The following UBE2W variants were observed in gnomAD, a reference collection of about 807,000 sequenced individuals.
UBE2W encodes the protein ubiquitin conjugating enzyme E2 W, also known as ubiquitin-conjugating enzyme E2 W.
In UBE2W, 18 loss-of-function variants were observed where a neutral mutation model predicts 27.2. That is an observed-to-expected ratio of 0.66 (90% CI 0.46 to 0.98). The LOEUF is 0.98. UBE2W is among the 50% of genes least tolerant of loss of function. The probability of loss-of-function intolerance (pLI) is 0.00; values close to 1 mark genes in which losing one functional copy is unlikely to be tolerated. For synonymous variants in UBE2W, 53 were observed against 57.2 expected, an observed-to-expected ratio of 0.93 and a Z score of 0.33; for missense variants, 90 against 180.2, an observed-to-expected ratio of 0.50 and a Z score of 2.87.
Position 73,825,337 on chromosome 8 carries a change from C to T in UBE2W, c.108-88G>A, listed in dbSNP as rs543199459. The T allele has an allele frequency of 5.8e-6, 5 of 861,484 alleles. No individual in the cohort carries two copies. The African/African-American group carries it at 6.9e-5, about 12-fold the overall frequency. The allele number at this position is 861,484 out of a possible 1,614,324, so 53.4% of individuals were successfully genotyped here. ...GAGGACACCAAGTACTTCCTATACA[C>T]TAAGCACTAGGACAAGAGTTGGTTA... On this transcript the variant is annotated intron_variant, in intron 2 of 5. Transcript: ENST00000602593.
downstream of UBE2W, among the ~76,000 whole-genome samples, chr8:73,785,603 T>C (rs1208122502): frequency 6.6e-6 from 1 of 151,894 alleles, no homozygotes; most frequent in Non-Finnish European, 1.5e-5. Flanking sequence ...ACCCATCCAC[T>C]CTCTTTTAGA....
In UBE2W at chr8:73,858,993, T is replaced by C. The variant is rs1038452735; in HGVS notation, c.15+19815A>G. On this transcript the variant is annotated intron_variant, in intron 1 of 5. Coordinates refer to ENST00000602593, the MANE Select transcript of UBE2W (RefSeq NM_018299.6). ...GGGGGTTTTTGCGTGTGTGTGTGTG[T>C]GTGTGTGTGTGTGTGTGTGTGTGTG... 1.2e-3 allele frequency among the ~76,000 whole-genome samples: 185 copies of C among 150,436 alleles called. 1 individual carries two copies. The highest frequency in any genetic ancestry group is 0.01 in the Middle Eastern group (3 of 292).
At chr8:73,825,607 G>C (rs1809804398) in intron 2 of UBE2W, among the ~76,000 whole-genome samples, 1 of 152,154 alleles carries the variant, frequency 6.6e-6, no homozygotes, top group Non-Finnish European at 1.5e-5. Flanking sequence ...TTTAAGACCA[G>C]CCTGACCAAC....
chr8:73,836,079 GGTTT>G (rs1316752559), intron 1 of UBE2W, among the ~76,000 whole-genome samples: 1 of 152,098 alleles, frequency 6.6e-6, no homozygotes, highest in Non-Finnish European at 1.5e-5. Context: ...TAAGTTTAAG[GGTTT>G]GTTACGCACT....
chr8:73,858,999 TG>T (rs1379030532), intron 1 of UBE2W, among the ~76,000 whole-genome samples: 1 of 150,540 alleles, frequency 6.6e-6, no homozygotes, highest in Non-Finnish European at 1.5e-5. Flanking sequence ...TGTGTGTGTG[TG>T]TGTGTGTGTG....
intron 4 of UBE2W, among the ~76,000 whole-genome samples, chr8:73,806,541 C>CA (rs58380487): frequency 0.098 from 6,735 of 68,446 alleles, 201 homozygotes; most frequent in Non-Finnish European, 0.12. Flanking sequence ...GCTAAAAATA[C>CA]AAAAAAAAAA....
chr8:73,797,676 T>C (rs1808478691), intron 5 of UBE2W, among the ~76,000 whole-genome samples: 1 of 152,254 alleles, frequency 6.6e-6, no homozygotes, highest in Non-Finnish European at 1.5e-5. Flanking sequence ...TATACTTCTA[T>C]AGAAATGTTC....
intron 3 of UBE2W, among the ~76,000 whole-genome samples, chr8:73,813,328 A>T (rs1474715737): frequency 6.6e-6 from 1 of 152,196 alleles, no homozygotes; most frequent in Non-Finnish European, 1.5e-5. Flanking sequence ...AGAGAAAGAA[A>T]AGCGATGAGT....
chr8:73,827,022 G>A (rs761029454), intron 2 of UBE2W, among the ~76,000 whole-genome samples: 18 of 152,118 alleles, frequency 1.2e-4, no homozygotes, highest in Non-Finnish European at 2.5e-4. Context: ...CAGGAAAAAC[G>A]GTGGTCTTTC....
At chr8:73,855,923 TGA>T (rs139878335) in intron 1 of UBE2W, among the ~76,000 whole-genome samples, 4,749 of 152,248 alleles carry the variant, frequency 0.031, 225 homozygotes, top group African/African-American at 0.1. Flanking sequence ...AAAGCTTTAT[TGA>T]GAGTCTTTTT....
rs373827437 is a variant in UBE2W, at chr8:73,807,453, C to T, written c.367-1727G>A. 1.7e-3 allele frequency among the ~76,000 whole-genome samples: 262 copies of T among 152,294 alleles called. 1 individual carries two copies. Among genetic ancestry groups the T allele is most frequent in the Middle Eastern group, 3.4e-3 (1 of 294 alleles). ...AAAACTCATATATGTAACTATCAGT[C>T]TAGTTGAGCCTCACAATGCTCTTAT... On this transcript the variant is annotated intron_variant, in intron 4 of 5. Transcript: ENST00000602593.
At chr8:73,820,771 ACAAAC>A in intron 3 of UBE2W, among the ~76,000 whole-genome samples, 1 of 151,648 alleles carries the variant, frequency 6.6e-6, no homozygotes, top group African/African-American at 2.4e-5. Flanking sequence ...AAACAAACAA[ACAAAC>A]AAACAAAAAA....
Position 73,787,034 on chromosome 8 carries a change from T to C in UBE2W, c.*7068A>G, listed in dbSNP as rs1807986233. Reference sequence around the variant, plus strand: ...AAGGCCAGATACAGACATGAGAAGATATTTCCTACCTTAGTTGATAAACTT... The same window carrying C: ...AAGGCCAGATACAGACATGAGAAGACATTTCCTACCTTAGTTGATAAACTT... On this transcript the variant is annotated 3_prime_UTR_variant, in exon 6 of 6. Coordinates refer to ENST00000602593, the MANE Select transcript of UBE2W (RefSeq NM_018299.6). 1 of 985,304 alleles carries C rather than the reference T, an allele frequency of 1.0e-6. No individual in the cohort carries two copies. 61.0% of individuals were successfully genotyped at this position (985,304 alleles called of 1,614,324 possible).
At chr8:73,796,857 T>C (rs1374663036) in intron 5 of UBE2W, among the ~76,000 whole-genome samples, 1 of 150,990 alleles carries the variant, frequency 6.6e-6, no homozygotes, top group Non-Finnish European at 1.5e-5. Context: ...TATTATTGGA[T>C]ACCAGGACAA....
intron 1 of UBE2W, among the ~76,000 whole-genome samples, chr8:73,841,417 A>G (rs1207135137): frequency 6.6e-6 from 1 of 152,188 alleles, no homozygotes; most frequent in Admixed American, 6.5e-5. Context: ...AGAGAATGCA[A>G]TGTAGGTATT....
At chr8:73,802,214 C>T (rs1808675915) in intron 5 of UBE2W, among the ~76,000 whole-genome samples, 1 of 152,182 alleles carries the variant, frequency 6.6e-6, no homozygotes, top group African/African-American at 2.4e-5. Context: ...CACTAACTTG[C>T]TACATACCGC....
At chr8:73,856,986 C>T (rs1430573396) in intron 1 of UBE2W, among the ~76,000 whole-genome samples, 1 of 152,162 alleles carries the variant, frequency 6.6e-6, no homozygotes, top group African/African-American at 2.4e-5. Context: ...AGATTATAGA[C>T]GTGAGCCACC....
intron 1 of UBE2W, among the ~76,000 whole-genome samples, chr8:73,834,297 C>A (rs1810216048): frequency 6.6e-6 from 1 of 152,140 alleles, no homozygotes. Context: ...TGAATAAAGA[C>A]AAATTTATGC....
rs1808301908 is a variant in UBE2W at position 73,793,858 on chromosome 8, T to C, written c.*244A>G. 4 of 1,240,546 alleles carry C rather than the reference T, an allele frequency of 3.2e-6. No homozygotes were observed. The highest frequency in any genetic ancestry group is 4.1e-6 in the Non-Finnish European group (4 of 985,016). The allele number at this position is 1,240,546 out of a possible 1,614,324, so 76.8% of individuals were successfully genotyped here. On this transcript the variant is annotated 3_prime_UTR_variant, in exon 6 of 6. Transcript: ENST00000602593. ...AAAATAAAAATAAAAAATGGAATTA[T>C]ATTTGACATTTCCTGACACCTGCAT... is the stretch of plus-strand genomic sequence containing the variant.
Sources: gnomAD v4.1 joint callset for allele counts (sites outside exome capture counted in the v4.1 genomes callset) on GRCh38, gnomAD v4.1.1 for gene constraint, MANE v1.5 for transcripts, NCBI Gene and HGNC (gene_info 2026-07-23, HGNC 2026-07-21) for gene names.